HACE1: variants seen among roughly 807,000 people sequenced by gnomAD.
HACE1 encodes the protein E3 ubiquitin-protein ligase HACE1.
A neutral mutation model predicts 118.4 loss-of-function variants in HACE1; 73 were observed. The observed-to-expected ratio is 0.62, with a 90% CI of 0.51 to 0.75. The LOEUF (loss-of-function observed/expected upper bound fraction) is 0.75, where lower values mean the gene tolerates loss of function less well. HACE1 is among the 30% of genes least tolerant of loss of function. The pLI, the probability that HACE1 is intolerant of heterozygous loss-of-function variation, is 0.00. For synonymous variants in HACE1, 368 were observed against 374.8 expected (o/e 0.98, Z 0.21); for missense variants, 749 against 1,102.2 (o/e 0.68, Z 4.54).
intron 4 of HACE1, among the ~76,000 whole-genome samples, chr6:104,843,958 G>C (rs568247525): frequency 6.6e-6 from 1 of 151,574 alleles, no homozygotes; most frequent in Admixed American, 6.6e-5. Flanking sequence ...CCGGGTTCAA[G>C]TGATTCTCCT....
At chr6:104,782,092 A>T (rs1361334162) in intron 14 of HACE1, among the ~76,000 whole-genome samples, 1 of 151,934 alleles carries the variant, frequency 6.6e-6, no homozygotes, top group East Asian at 1.9e-4. Flanking sequence ...TTACTTTTGC[A>T]CCAACCTATA....
At chr6:104,824,952 G>A (rs575092726) in intron 6 of HACE1, 6 of 151,566 alleles carry the variant, frequency 4.0e-5, no homozygotes, top group East Asian at 1.9e-4. Context: ...GCGTGGTGGC[G>A]GGCGCCTGTA....
intron 22 of HACE1, among the ~76,000 whole-genome samples, chr6:104,743,035 C>G (rs145254272): frequency 4.8e-4 from 73 of 152,020 alleles, no homozygotes; most frequent in African/African-American, 1.7e-3. Flanking sequence ...AATTGGAAAT[C>G]ATCGTTCTCA....
At chr6:104,760,250 G>A (rs1360347358) in intron 19 of HACE1, among the ~76,000 whole-genome samples, 3 of 152,110 alleles carry the variant, frequency 2.0e-5, no homozygotes, top group Non-Finnish European at 2.9e-5. Flanking sequence ...AACAAAAAAA[G>A]AGAATTTTAG....
intron 7 of HACE1, among the ~76,000 whole-genome samples, chr6:104,806,906 A>C (rs1039817240): frequency 1.3e-5 from 2 of 152,132 alleles, no homozygotes; most frequent in African/African-American, 4.8e-5. Context: ...ATTTGGCATA[A>C]GTATAAATAG....
In HACE1 at chr6:104,735,489, T is replaced by G. The variant is rs1009577437; in HGVS notation, c.2514-5073A>C. On this transcript the variant is annotated intron_variant, in intron 22 of 23. Coordinates refer to ENST00000262903, the MANE Select transcript of HACE1 (RefSeq NM_020771.4). ...CTACTAAAAATACAAAAATTAGCCATGCATGGTGGCGGGTGCCTATAGTCC... is the reference window on the plus strand; with the variant it reads ...CTACTAAAAATACAAAAATTAGCCAGGCATGGTGGCGGGTGCCTATAGTCC... Among the ~76,000 whole-genome samples, 5 of 151,884 alleles carry G rather than the reference T, an allele frequency of 3.3e-5. No individual in the cohort carries two copies. In the East Asian group the frequency reaches 9.7e-4, roughly 29 times the overall value.
chr6:104,772,134 C>T, intron 17 of HACE1, 60 bp from the exon 18 acceptor site: 1 of 941,866 alleles, frequency 1.1e-6, no homozygotes, highest in Non-Finnish European at 1.7e-6. Flanking sequence ...AGAAAGATTA[C>T]TTCGATGCAG....
chr6:104,802,154 CAAGAAGAGCTA>C (rs1770441905), intron 7 of HACE1, among the ~76,000 whole-genome samples: 1 of 151,544 alleles, frequency 6.6e-6, no homozygotes, highest in African/African-American at 2.4e-5. Flanking sequence ...ATCAATGCAA[CAAGAAGAGCTA>C]ACTATCCTAA....
In HACE1 at chr6:104,849,177, T is replaced by G. The variant is rs770993059; in HGVS notation, c.291A>C (p.Ser97=). The change falls in exon 4 of 24, where the codon TCA becomes TCC. Residue 97 remains serine, a synonymous_variant. Transcript: ENST00000262903. ...KGANPNYQDI[S]GCTPLHLAAR... ...CTGCCAAATGAAGGGGTGTACAGCC[T>G]GAAATATCTTGATAGTTAGGATTTG... The G allele has an allele frequency of 1.2e-6, 2 of 1,608,694 alleles. No homozygotes were observed. The highest frequency in any genetic ancestry group is 1.7e-5 in the Admixed American group (1 of 60,008).
At position 104,729,497 on chromosome 6, in the gene HACE1, A is replaced by G. The variant is rs961758618; in HGVS notation, c.*165T>C. Reference sequence around the variant, plus strand: ...ATTGTATCACAAACAGAGAAAACATAAAAGGGAAAAGAGAGAAACAGAAAA... The same window carrying G: ...ATTGTATCACAAACAGAGAAAACATGAAAGGGAAAAGAGAGAAACAGAAAA... On this transcript the variant is annotated 3_prime_UTR_variant, in exon 24 of 24. Coordinates refer to ENST00000262903, the MANE Select transcript of HACE1 (RefSeq NM_020771.4). The G allele has an allele frequency of 2.7e-5, 17 of 632,594 alleles. No individual in the cohort carries two copies. The highest frequency in any genetic ancestry group is 4.2e-5 in the Non-Finnish European group (15 of 353,466). The allele number at this position is 632,594 out of a possible 1,614,324, so 39.2% of individuals were successfully genotyped here.
chr6:104,848,744 G>C (rs757542782), intron 4 of HACE1, among the ~76,000 whole-genome samples: 31 of 152,022 alleles, frequency 2.0e-4, no homozygotes, highest in Non-Finnish European at 4.0e-4. Flanking sequence ...ATGAGCCATG[G>C]AGTTAGGAGT....
intron 19 of HACE1, among the ~76,000 whole-genome samples, chr6:104,761,054 C>G (rs556811972): frequency 6.6e-6 from 1 of 152,046 alleles, no homozygotes; most frequent in Non-Finnish European, 1.5e-5. Context: ...AGACAGGACA[C>G]GAACAAATGG....
chr6:104,773,054 A>C (rs1340393643), intron 17 of HACE1, among the ~76,000 whole-genome samples: 2 of 152,198 alleles, frequency 1.3e-5, no homozygotes, highest in Non-Finnish European at 2.9e-5. Context: ...CAAAAAAAAA[A>C]TACTACTAGT....
intron 20 of HACE1, among the ~76,000 whole-genome samples, chr6:104,745,432 A>C (rs1777308888): frequency 6.7e-6 from 1 of 149,758 alleles, no homozygotes; most frequent in African/African-American, 2.5e-5. Flanking sequence ...CTTTACACTG[A>C]TGATTCAGAA....
At chr6:104,761,547 T>C (rs750217022) in intron 19 of HACE1, among the ~76,000 whole-genome samples, 1 of 152,004 alleles carries the variant, frequency 6.6e-6, no homozygotes, top group Non-Finnish European at 1.5e-5. Flanking sequence ...AAAAATCAAC[T>C]CAAGACGGAT....
intron 22 of HACE1, among the ~76,000 whole-genome samples, chr6:104,733,045 A>G (rs1170956227): frequency 6.6e-6 from 1 of 152,234 alleles, no homozygotes; most frequent in East Asian, 1.9e-4. Flanking sequence ...TAGTTAATTT[A>G]TAGATTTAAC....
chr6:104,731,196 T>C (rs961698936), intron 22 of HACE1: 25 of 148,898 alleles, frequency 1.7e-4, no homozygotes, highest in Non-Finnish European at 2.8e-4. Context: ...ATTAAACTGA[T>C]ACAAAAAAAA....
At chr6:104,851,387 ATTC>A (rs1776191724) in intron 2 of HACE1, among the ~76,000 whole-genome samples, 1 of 152,136 alleles carries the variant, frequency 6.6e-6, no homozygotes, top group African/African-American at 2.4e-5. Context: ...CGGCCTAGCT[ATTC>A]TTCTGATTCT....
chr6:104,811,398 G>T lies in HACE1; in HGVS notation c.535-5C>A. 7.2e-7 allele frequency: 1 copy of T among 1,392,962 alleles called. No homozygotes were observed. The highest frequency in any genetic ancestry group is 1.0e-6 in the Non-Finnish European group (1 of 980,178). The allele number at this position is 1,392,962 out of a possible 1,614,324, so 86.3% of individuals were successfully genotyped here. ...GTCTAGCAAGCACTGCACTGTCTGA[G>T]GGGGAAAAAATAATTAAAAGTAAAG... On this transcript the variant is annotated splice_polypyrimidine_tract_variant and splice_region_variant and intron_variant, in intron 6 of 23. Transcript: ENST00000262903.
Sources: allele counts gnomAD v4.1 joint callset (sites outside exome capture counted in the v4.1 genomes callset), GRCh38; gene constraint gnomAD v4.1.1; transcripts MANE v1.5; gene names NCBI Gene and HGNC (gene_info 2026-07-23, HGNC 2026-07-21).